SEPTIN9: variants seen among roughly 807,000 people sequenced by gnomAD.
SEPTIN9 encodes septin-9.
SEPTIN9 carries 13 observed loss-of-function variants against 56.6 expected under a neutral mutation model. That is an observed-to-expected ratio of 0.23 (90% CI 0.15 to 0.37). The LOEUF is 0.37. SEPTIN9 is among the 10% of genes least tolerant of loss of function. The probability of loss-of-function intolerance (pLI) is 1.00; values close to 1 mark genes in which losing one functional copy is unlikely to be tolerated. For synonymous variants in SEPTIN9, 332 were observed against 334.1 expected (o/e 0.99, Z 0.07); for missense variants, 650 against 823.1 (o/e 0.79, Z 2.57).
At chr17:77,379,518 G>C (rs898158715) in intron 2 of SEPTIN9, among the ~76,000 whole-genome samples, 1 of 152,186 alleles carries the variant, frequency 6.6e-6, no homozygotes, top group Non-Finnish European at 1.5e-5. Flanking sequence ...GGAGAGAGGT[G>C]CTGTTCCCTG....
In SEPTIN9 at chr17:77,314,632, A is replaced by T. The variant is rs530178406; in HGVS notation, c.76+7435A>T. Among the ~76,000 whole-genome samples the T allele has an allele frequency of 5.3e-5, 8 of 152,296 alleles. No homozygotes were observed. In the South Asian group the frequency reaches 1.2e-3, roughly 24 times the overall value. ...CCAGAGCATCAGAAAGCATGCTTTC[A>T]GCCAAAGATGCGTTCTCTCCACCTC... On this transcript the variant is annotated intron_variant, in intron 2 of 11. Coordinates refer to ENST00000427177, the MANE Select transcript of SEPTIN9 (RefSeq NM_001113491.2).
intron 11 of SEPTIN9, chr17:77,497,710 C>A: frequency 2.4e-6 from 1 of 423,902 alleles, no homozygotes; most frequent in Non-Finnish European, 4.4e-6. Context: ...TGGGGCGTCT[C>A]CAGCTCCGAT....
intron 2 of SEPTIN9, among the ~76,000 whole-genome samples, chr17:77,392,890 G>A (rs114920936): frequency 6.6e-6 from 1 of 152,048 alleles, no homozygotes; most frequent in African/African-American, 2.4e-5. Context: ...TGCAGGCTCC[G>A]CTCAGCTTCA....
chr17:77,490,357 A>G (rs931158470), intron 7 of SEPTIN9, among the ~76,000 whole-genome samples: 3 of 152,182 alleles, frequency 2.0e-5, no homozygotes, highest in African/African-American at 4.8e-5. Flanking sequence ...GGCACCGCAC[A>G]CTGGTGCTAG....
chr17:77,454,206 T>C, intron 3 of SEPTIN9: 1 of 985,512 alleles, frequency 1.0e-6, no homozygotes, highest in Non-Finnish European at 1.2e-6. Flanking sequence ...ACCTGGAGGC[T>C]GACCACCCTG....
intron 2 of SEPTIN9, among the ~76,000 whole-genome samples, chr17:77,344,128 C>T (rs905216248): frequency 8.6e-5 from 13 of 151,934 alleles, no homozygotes; most frequent in Admixed American, 5.2e-4. Context: ...ATCGTATATC[C>T]GATAAAGGAC....
rs576696402 is a variant in SEPTIN9, at chr17:77,313,408, A to C, written c.76+6211A>C. On this transcript the variant is annotated intron_variant, in intron 2 of 11. Coordinates refer to ENST00000427177, the MANE Select transcript of SEPTIN9 (RefSeq NM_001113491.2). The surrounding 1 kb of genome is among the most constrained non-coding windows in gnomAD (Gnocchi z 4.5). ...GCCTGCCCAGGCGGTTTGCACCAGT[A>C]AACCCTGCAGCGGCCCCAAGGGCAG... 2.0e-5 allele frequency among the ~76,000 whole-genome samples: 3 copies of C among 152,396 alleles called. No homozygotes were observed. The highest frequency in any genetic ancestry group is 2.1e-4 in the South Asian group (1 of 4,832).
Position 77,402,526 on chromosome 17 carries a change from G to A in SEPTIN9, c.544G>A (p.Asp182Asn), listed in dbSNP as rs748481903. 69 of 1,605,564 alleles carry A rather than the reference G, an allele frequency of 4.3e-5. No individual in the cohort carries two copies. Among genetic ancestry groups the A allele is most frequent in the Middle Eastern group, 1.7e-4 (1 of 6,054 alleles). ...VPEVPTAPAT[D>N]AAPKRVEIQM... ...CGAGGTGCCCACTGCCCCTGCCACC[G>A]ACGCAGCCCCCAAGAGGGTGGAGAT... Residue 182 changes from aspartate (D) to asparagine (N), a missense_variant, in exon 3 of 12, where the codon GAC (aspartate) becomes AAC (asparagine). Coordinates refer to ENST00000427177, the MANE Select transcript of SEPTIN9 (RefSeq NM_001113491.2). The surrounding 1 kb of genome is among the most constrained non-coding windows in gnomAD (Gnocchi z 6.6).
rs1036309678 is a variant in SEPTIN9 at position 77,450,795 on chromosome 17, C to T, written c.722-31349C>T. The T allele has an allele frequency of 1.8e-5, 18 of 986,190 alleles. No individual in the cohort carries two copies. In the South Asian group the frequency reaches 4.2e-4, roughly 23 times the overall value. The allele number at this position is 986,190 out of a possible 1,614,324, so 61.1% of individuals were successfully genotyped here. A position where few individuals can be genotyped will look rare whatever the true frequency, so the allele number is the denominator to read the frequency against. On this transcript the variant is annotated intron_variant, in intron 3 of 11. Transcript: ENST00000427177. The surrounding 1 kb of genome is among the most constrained non-coding windows in gnomAD (Gnocchi z 6.0). ...CGGAGGAAGAGCTCAGGGTGAGCTG[C>T]GCCCCCATCCCCTGCCCCTCCTCTC...
intron 2 of SEPTIN9, among the ~76,000 whole-genome samples, chr17:77,342,074 CA>C (rs35151530): frequency 0.65 from 84,325 of 130,208 alleles, 25,513 homozygotes; most frequent in Middle Eastern, 0.78. Flanking sequence ...GACTCTGTCT[CA>C]AAAAAAAAAA....
chr17:77,395,736 G>A (rs2144061009), intron 2 of SEPTIN9, among the ~76,000 whole-genome samples: 1 of 152,258 alleles, frequency 6.6e-6, no homozygotes, highest in African/African-American at 2.4e-5. Flanking sequence ...ATGGAATTAG[G>A]ATCTTTGTAT....
chr17:77,377,734 G>A (rs1003306046), intron 2 of SEPTIN9, among the ~76,000 whole-genome samples: 4 of 152,170 alleles, frequency 2.6e-5, no homozygotes, highest in Non-Finnish European at 4.4e-5. Flanking sequence ...CAGGATTCAG[G>A]TGCCTCTTTC....
In SEPTIN9 at chr17:77,402,042, C is replaced by T. The variant is rs890069650; in HGVS notation, c.77-17C>T. 6.2e-7 allele frequency: 1 copy of T among 1,606,830 alleles called. No individual in the cohort carries two copies. Among genetic ancestry groups the T allele is most frequent in the African/African-American group, 1.3e-5 (1 of 74,712 alleles). On this transcript the variant is annotated splice_polypyrimidine_tract_variant and intron_variant, in intron 2 of 11. Coordinates refer to ENST00000427177, the MANE Select transcript of SEPTIN9 (RefSeq NM_001113491.2). This position sits in a 1 kb window ranked among gnomAD's most constrained non-coding sequence, Gnocchi z 6.6. ...GCCATCCATTCACCAATTGCATCCC[C>T]TCTCTTTATTTTTCAGCCTTGAAAA...
chr17:77,350,156 TCTC>T (rs1270945166), intron 2 of SEPTIN9, among the ~76,000 whole-genome samples: 18 of 151,826 alleles, frequency 1.2e-4, no homozygotes, highest in Admixed American at 3.3e-4. Flanking sequence ...CCCCTTCTCT[TCTC>T]CTCAAGTTGC....
At position 77,475,927 on chromosome 17, in the gene SEPTIN9, G is replaced by A. The variant is rs189472517; in HGVS notation, c.722-6217G>A. The A allele has an allele frequency of 3.3e-3, 5,266 of 1,595,086 alleles. 175 individuals are homozygous for A. The South Asian group carries it at 0.05, about 15-fold the overall frequency. On this transcript the variant is annotated intron_variant, in intron 3 of 11. Transcript: ENST00000427177. This position sits in a 1 kb window ranked among gnomAD's most constrained non-coding sequence, Gnocchi z 4.6. ...AGGTGTGTGGGGATGTGGCCATTTC[G>A]GTCCGTGCTCTGAGAGCCAGGTGTG...
chr17:77,384,556 G>A (rs895362481), intron 2 of SEPTIN9, among the ~76,000 whole-genome samples: 13 of 151,998 alleles, frequency 8.6e-5, no homozygotes, highest in Admixed American at 3.3e-4. Context: ...GTCTTCAGGA[G>A]GGCAGAGGTT....
In SEPTIN9 at chr17:77,281,560, C is replaced by T. The variant is rs1179941818; in HGVS notation, c.19+6C>T. 2 of 1,541,940 alleles carry T rather than the reference C, an allele frequency of 1.3e-6. No homozygotes were observed. Among genetic ancestry groups the T allele is most frequent in the Admixed American group, 3.9e-5 (2 of 50,920 alleles). Reference sequence around the variant, plus strand: ...CATGAAGAAGTCTTACTCAGGTGGGCTTCGCGCCCGGGGTGGGGAGGGGTC... The same window carrying T: ...CATGAAGAAGTCTTACTCAGGTGGGTTTCGCGCCCGGGGTGGGGAGGGGTC... On this transcript the variant is annotated splice_donor_region_variant and intron_variant, in intron 1 of 11. Coordinates refer to ENST00000427177, the MANE Select transcript of SEPTIN9 (RefSeq NM_001113491.2).
intron 3 of SEPTIN9, among the ~76,000 whole-genome samples, chr17:77,438,817 T>G (rs933889804): frequency 5.3e-5 from 8 of 152,180 alleles, no homozygotes; most frequent in Non-Finnish European, 2.9e-5. Flanking sequence ...CAGCAGTGCT[T>G]CTATCCCGGA....
In SEPTIN9 at chr17:77,437,442, G is replaced by A. The variant is rs1432839119; in HGVS notation, c.721+34739G>A. The stretch of plus-strand genomic sequence containing the variant: ...TTGCTGGATGTGTGGCTGCCTTTAT[G>A]TAACCAACTCTCTCACGGAGAAGCC... On this transcript the variant is annotated intron_variant, in intron 3 of 11. Transcript: ENST00000427177. This position sits in a 1 kb window ranked among gnomAD's most constrained non-coding sequence, Gnocchi z 5.3. 6.6e-6 allele frequency among the ~76,000 whole-genome samples: 1 copy of A among 152,044 alleles called. No homozygotes were observed. Among genetic ancestry groups the A allele is most frequent in the Non-Finnish European group, 1.5e-5 (1 of 68,026 alleles).
Sources: gnomAD v4.1 joint callset for allele counts (sites outside exome capture counted in the v4.1 genomes callset) on GRCh38, gnomAD v4.1.1 for gene constraint, Gnocchi (gnomAD v3.1) non-coding constraint, MANE v1.5 for transcripts, NCBI Gene and HGNC (gene_info 2026-07-23, HGNC 2026-07-21) for gene names.